Variants in NKAIN3 observed in about 807,000 individuals in gnomAD.
NKAIN3 encodes the protein sodium/potassium transporting ATPase interacting 3, also known as sodium/potassium-transporting ATPase subunit beta-1-interacting protein 3.
NKAIN3 carries 25 observed loss-of-function variants against 30.2 expected under a neutral mutation model. The ratio of observed to expected loss-of-function variants is 0.83; its 90% confidence interval spans 0.60 to 1.16. The LOEUF is 1.16. NKAIN3 is among the 50% of genes most tolerant of loss of function. The probability of loss-of-function intolerance (pLI) is 0.00; values close to 1 mark genes in which losing one functional copy is unlikely to be tolerated. For missense variants in NKAIN3, 225 were observed against 254.1 expected (o/e 0.89, Z 0.78); for synonymous variants, 91 against 89.6 (o/e 1.02, Z -0.09).
At chr8:62,947,228 C>CA (rs1430597366) in intron 5 of NKAIN3, among the ~76,000 whole-genome samples, 3 of 152,148 alleles carry the variant, frequency 2.0e-5, no homozygotes, top group South Asian at 2.1e-4. Context: ...TAAATATTCT[C>CA]AAAATCTTAT....
At chr8:62,798,204 T>C (rs1304492112) in intron 4 of NKAIN3, among the ~76,000 whole-genome samples, 2 of 151,964 alleles carry the variant, frequency 1.3e-5, no homozygotes, top group Non-Finnish European at 2.9e-5. Flanking sequence ...AGTTTGGGGG[T>C]AAACTCTATC....
intron 1 of NKAIN3, among the ~76,000 whole-genome samples, chr8:62,463,751 A>G (rs142137567): frequency 2.0e-5 from 3 of 152,316 alleles, no homozygotes; most frequent in Non-Finnish European, 2.9e-5. Flanking sequence ...CTCTCTCTAT[A>G]TTATGTCTAT....
chr8:62,891,586 G>A (rs1821297455), intron 4 of NKAIN3, among the ~76,000 whole-genome samples: 1 of 152,112 alleles, frequency 6.6e-6, no homozygotes, highest in African/African-American at 2.4e-5. Context: ...GACTAATACA[G>A]CAAGTGTCGC....
intron 2 of NKAIN3, among the ~76,000 whole-genome samples, chr8:62,584,796 A>G (rs1330560800): frequency 1.3e-5 from 2 of 152,186 alleles, no homozygotes; most frequent in African/African-American, 4.8e-5. Flanking sequence ...CCCTTCTGCT[A>G]CTGTAAATCC....
intron 4 of NKAIN3, among the ~76,000 whole-genome samples, chr8:62,789,844 C>T (rs552642297): frequency 3.9e-5 from 6 of 152,016 alleles, no homozygotes; most frequent in Non-Finnish European, 8.8e-5. Context: ...AAAAAAAGTC[C>T]AAGGCCAGAT....
At chr8:62,336,615 C>G (rs1815560491) in intron 1 of NKAIN3, among the ~76,000 whole-genome samples, 1 of 151,870 alleles carries the variant, frequency 6.6e-6, no homozygotes, top group Admixed American at 6.6e-5. Flanking sequence ...TTTTGTACAG[C>G]AACACCACAC....
chr8:62,646,305 C>T (rs1360589832), intron 3 of NKAIN3, among the ~76,000 whole-genome samples: 1 of 151,998 alleles, frequency 6.6e-6, no homozygotes, highest in Non-Finnish European at 1.5e-5. Flanking sequence ...TAACCTAGTC[C>T]TGCTAATAAT....
At chr8:62,370,464 C>G (rs911841548) in intron 1 of NKAIN3, among the ~76,000 whole-genome samples, 4 of 151,920 alleles carry the variant, frequency 2.6e-5, no homozygotes, top group Non-Finnish European at 5.9e-5. Context: ...AATCAAACTG[C>G]TGTGGAAATT....
chr8:62,613,274 G>A (rs1458736321), intron 3 of NKAIN3, among the ~76,000 whole-genome samples: 1 of 152,038 alleles, frequency 6.6e-6, no homozygotes, highest in African/African-American at 2.4e-5. Flanking sequence ...ATGTTTGAAG[G>A]ATGTTTGCAC....
chr8:62,609,707 G>T (rs16929282), intron 3 of NKAIN3, among the ~76,000 whole-genome samples: 14,986 of 152,146 alleles, frequency 0.098, 1,014 homozygotes, highest in East Asian at 0.27. Context: ...AACTTCATGA[G>T]AATGGAAGGA....
chr8:62,679,789 A>G lies in NKAIN3; in HGVS notation c.274-67143A>G, dbSNP rs187624650. Among the ~76,000 whole-genome samples the G allele has an allele frequency of 3.7e-4, 56 of 152,300 alleles. No homozygotes were observed. In the East Asian group the frequency reaches 0.01, roughly 27 times the overall value. On this transcript the variant is annotated intron_variant, in intron 3 of 6. Transcript: ENST00000623646. Reference sequence around the variant, plus strand: ...TTAAACCATTCATGAGAAAAACCTCATGATCTAATCACCTCCCACCAGGCC... The same window carrying G: ...TTAAACCATTCATGAGAAAAACCTCGTGATCTAATCACCTCCCACCAGGCC...
intron 1 of NKAIN3, among the ~76,000 whole-genome samples, chr8:62,502,495 C>A (rs1807487644): frequency 6.6e-6 from 1 of 152,102 alleles, no homozygotes; most frequent in South Asian, 2.1e-4. Flanking sequence ...TACTTAATTT[C>A]TATGACACTT....
At chr8:62,851,814 T>G (rs1042627978) in intron 4 of NKAIN3, among the ~76,000 whole-genome samples, 14 of 152,232 alleles carry the variant, frequency 9.2e-5, no homozygotes, top group Non-Finnish European at 1.6e-4. Context: ...GCCCACTTGA[T>G]CATGGTGGAT....
At chr8:62,954,501 C>T (rs1167979329) in intron 6 of NKAIN3, among the ~76,000 whole-genome samples, 1 of 152,148 alleles carries the variant, frequency 6.6e-6, no homozygotes, top group African/African-American at 2.4e-5. Flanking sequence ...CTAACAAGTT[C>T]AGGAACAAGT....
chr8:62,376,565 A>C (rs2129593676), intron 1 of NKAIN3, among the ~76,000 whole-genome samples: 1 of 152,026 alleles, frequency 6.6e-6, no homozygotes, highest in Non-Finnish European at 1.5e-5. Context: ...GTCTGGGACC[A>C]CTCTGCATCT....
chr8:62,282,530 A>G (rs1406286340), intron 1 of NKAIN3, among the ~76,000 whole-genome samples: 2 of 152,144 alleles, frequency 1.3e-5, no homozygotes, highest in Non-Finnish European at 2.9e-5. Flanking sequence ...TCAGGGAGCG[A>G]TCGATCTTTA....
chr8:62,660,724 A>T (rs1413622636), intron 3 of NKAIN3, among the ~76,000 whole-genome samples: 8 of 152,244 alleles, frequency 5.3e-5, no homozygotes, highest in Admixed American at 5.2e-4. Flanking sequence ...GGATGTGGGC[A>T]TATTACAGTA....
At chr8:62,322,266 T>C (rs143814583) in intron 1 of NKAIN3, among the ~76,000 whole-genome samples, 1 of 152,264 alleles carries the variant, frequency 6.6e-6, no homozygotes, top group Non-Finnish European at 1.5e-5. Flanking sequence ...CCGTGACCCT[T>C]TGTGTTTCCT....
At chr8:62,840,677 C>T (rs760997064) in intron 4 of NKAIN3, among the ~76,000 whole-genome samples, 6 of 152,166 alleles carry the variant, frequency 3.9e-5, no homozygotes, top group African/African-American at 1.2e-4. Flanking sequence ...ATTGATTTCT[C>T]CAACCATTTT....
Sources: gnomAD v4.1 joint callset for allele counts (sites outside exome capture counted in the v4.1 genomes callset) on GRCh38, gnomAD v4.1.1 for gene constraint, MANE v1.5 for transcripts, NCBI Gene and HGNC (gene_info 2026-07-23, HGNC 2026-07-21) for gene names.